Variants in FHIT observed in about 807,000 individuals in gnomAD.
FHIT encodes the protein fragile histidine triad diadenosine triphosphatase.
Under a neutral mutation model 17.9 loss-of-function variants are expected in FHIT, and 19 were observed. The observed-to-expected ratio is 1.06, with a 90% CI of 0.74 to 1.56. The LOEUF is 1.56. FHIT is among the 40% of genes most tolerant of loss of function. The probability of loss-of-function intolerance (pLI) is 0.00; values close to 1 mark genes in which losing one functional copy is unlikely to be tolerated. For synonymous variants in FHIT, 81 were observed against 69.7 expected (o/e 1.16, Z -0.81); for missense variants, 248 against 189.2 (o/e 1.31, Z -1.82).
chr3:60,940,290 T>C (rs1251010612), intron 3 of FHIT, among the ~76,000 whole-genome samples: 4 of 152,132 alleles, frequency 2.6e-5, no homozygotes, highest in African/African-American at 9.7e-5. Context: ...TGCCAAACTC[T>C]AAGTCCAATG....
At chr3:59,879,864 T>C (rs1046257700) in intron 8 of FHIT, among the ~76,000 whole-genome samples, 10 of 152,116 alleles carry the variant, frequency 6.6e-5, no homozygotes, top group Non-Finnish European at 1.5e-4. Context: ...TAAGACTCTT[T>C]GGGCCACATT....
intron 3 of FHIT, among the ~76,000 whole-genome samples, chr3:60,868,361 G>A (rs1276588857): frequency 1.3e-5 from 2 of 152,068 alleles, no homozygotes; most frequent in Non-Finnish European, 2.9e-5. Context: ...ATTTTACAAG[G>A]CAATGCTTTC....
intron 2 of FHIT, among the ~76,000 whole-genome samples, chr3:61,096,418 G>T (rs928306332): frequency 1.3e-5 from 2 of 152,196 alleles, no homozygotes; most frequent in Non-Finnish European, 2.9e-5. Flanking sequence ...TCTGGTGGCA[G>T]AATGATAAGA....
intron 5 of FHIT, among the ~76,000 whole-genome samples, chr3:60,158,940 T>A (rs1054879599): frequency 2.6e-5 from 4 of 152,162 alleles, no homozygotes; most frequent in African/African-American, 9.7e-5. Flanking sequence ...CTCACTGCAA[T>A]GAGCAAAGAA....
intron 5 of FHIT, among the ~76,000 whole-genome samples, chr3:60,408,157 C>A (rs571990485): frequency 2.0e-5 from 3 of 152,284 alleles, no homozygotes; most frequent in African/African-American, 7.2e-5. Context: ...TATAAACATT[C>A]TTTTCAAGGA....
intron 8 of FHIT, among the ~76,000 whole-genome samples, chr3:59,861,916 G>C (rs553050771): frequency 3.6e-4 from 55 of 152,156 alleles, no homozygotes; most frequent in African/African-American, 1.2e-3. Flanking sequence ...TTGTGTTAAA[G>C]TGTGTGTTTT....
chr3:60,407,664 G>A (rs1259328193), intron 5 of FHIT, among the ~76,000 whole-genome samples: 2 of 152,032 alleles, frequency 1.3e-5, no homozygotes, highest in South Asian at 2.1e-4. Context: ...ACAAGTGTGT[G>A]CCACCAGGCC....
chr3:59,942,655 T>C (rs1055026600), intron 7 of FHIT, among the ~76,000 whole-genome samples: 4 of 152,148 alleles, frequency 2.6e-5, no homozygotes, highest in Admixed American at 2.6e-4. Context: ...TTAGTTCTTT[T>C]TTTATTTTTT....
chr3:60,224,043 T>A (rs563953882), intron 5 of FHIT, among the ~76,000 whole-genome samples: 13 of 152,304 alleles, frequency 8.5e-5, no homozygotes, highest in South Asian at 2.1e-4. Flanking sequence ...GTGTGAACTA[T>A]ATATAACTTA....
At chr3:60,092,322 G>T (rs765099807) in intron 5 of FHIT, among the ~76,000 whole-genome samples, 4 of 152,142 alleles carry the variant, frequency 2.6e-5, no homozygotes, top group Non-Finnish European at 4.4e-5. Context: ...TGTATGACAT[G>T]GCCTCAGAAC....
intron 5 of FHIT, among the ~76,000 whole-genome samples, chr3:60,299,411 A>T (rs1417231199): frequency 6.6e-6 from 1 of 152,154 alleles, no homozygotes. Context: ...TTAAAAAATA[A>T]ATGAATATTC....
intron 3 of FHIT, among the ~76,000 whole-genome samples, chr3:60,995,815 A>G (rs2107593181): frequency 6.6e-6 from 1 of 152,326 alleles, no homozygotes; most frequent in South Asian, 2.1e-4. Flanking sequence ...GTCTGGAAAA[A>G]GGATTTTTAA....
At chr3:60,113,749 C>A (rs1039268124) in intron 5 of FHIT, among the ~76,000 whole-genome samples, 1 of 150,914 alleles carries the variant, frequency 6.6e-6, no homozygotes, top group African/African-American at 2.5e-5. Flanking sequence ...CACCTGTTAT[C>A]CCAGCACTTT....
chr3:60,014,130 C>T lies in FHIT; in HGVS notation c.126G>A (p.Arg42=), dbSNP rs772663253. Residue 42 remains arginine (R), a synonymous_variant, in exon 6 of 10, where the codon CGG becomes CGA. Coordinates refer to ENST00000492590, the MANE Select transcript of FHIT (RefSeq NM_002012.4). ...GCAGGTCATGGAAGCGCTCCACTGG[C>T]CGCAGCGGGCACACAAGGACATCTG... ...VPGHVLVCPL[R]PVERFHDLRP... 2 of 1,613,932 alleles carry T rather than the reference C, an allele frequency of 1.2e-6. No individual in the cohort carries two copies. The highest frequency in any genetic ancestry group is 1.1e-5 in the South Asian group (1 of 91,078).
chr3:60,356,782 G>C (rs1206149567), intron 5 of FHIT, among the ~76,000 whole-genome samples: 4 of 75,650 alleles, frequency 5.3e-5, no homozygotes, highest in African/African-American at 8.0e-5. Flanking sequence ...AAAAAAAAAC[G>C]GAAGAAAGAG....
At chr3:60,021,219 A>T (rs12637950) in intron 5 of FHIT, among the ~76,000 whole-genome samples, 12,753 of 152,194 alleles carry the variant, frequency 0.084, 959 homozygotes, top group East Asian at 0.31. Flanking sequence ...TTTGGGTCAG[A>T]GATATGATGA....
chr3:60,689,370 G>A (rs9868891), intron 4 of FHIT, among the ~76,000 whole-genome samples: 15,693 of 152,120 alleles, frequency 0.1, 1,687 homozygotes, highest in African/African-American at 0.27. Flanking sequence ...ACATTTTATT[G>A]TCATTATTCC....
chr3:60,553,545 A>G (rs889851663), intron 4 of FHIT, among the ~76,000 whole-genome samples: 2 of 147,354 alleles, frequency 1.4e-5, no homozygotes, highest in African/African-American at 2.5e-5. Context: ...GGAGAGAGAG[A>G]GAGAGAGAGA....
chr3:60,063,422 TTCA>T, intron 5 of FHIT, among the ~76,000 whole-genome samples: 1 of 152,256 alleles, frequency 6.6e-6, no homozygotes, highest in South Asian at 2.1e-4. Context: ...TCCATCCAAA[TTCA>T]CATTGGTTGA....
Sources: gnomAD v4.1 joint callset for allele counts (sites outside exome capture counted in the v4.1 genomes callset) on GRCh38, gnomAD v4.1.1 for gene constraint, MANE v1.5 for transcripts, NCBI Gene and HGNC (gene_info 2026-07-23, HGNC 2026-07-21) for gene names.